CACNA2D3: variants seen among roughly 807,000 people sequenced by gnomAD.
CACNA2D3 encodes voltage-dependent calcium channel subunit alpha-2/delta-3.
CACNA2D3 carries 60 observed loss-of-function variants against 160.6 expected under a neutral mutation model. That is an observed-to-expected ratio of 0.37 (90% CI 0.30 to 0.46). CACNA2D3 has a LOEUF of 0.46. Ranked by LOEUF, CACNA2D3 falls within the 20% of genes least tolerant of loss-of-function variation. CACNA2D3 has a pLI of 1.00. For missense variants in CACNA2D3, 1,205 were observed against 1,365.0 expected (o/e 0.88, Z 1.85); for synonymous variants, 558 against 492.9 (o/e 1.13, Z -1.75).
intron 25 of CACNA2D3, 79 bp from the exon 26 acceptor site, chr3:54,896,670 T>C (rs1700196319): frequency 6.4e-6 from 10 of 1,574,190 alleles, no homozygotes; most frequent in Non-Finnish European, 8.7e-6. Context: ...TTTTACCTGA[T>C]GAAGGCTGTC....
intron 13 of CACNA2D3, among the ~76,000 whole-genome samples, chr3:54,776,264 AG>A (rs1294029454): frequency 6.6e-6 from 1 of 152,228 alleles, no homozygotes; most frequent in Non-Finnish European, 1.5e-5. Flanking sequence ...CTGTAATTCC[AG>A]CACTTAGCGA....
At chr3:54,172,289 G>A (rs928453560) in intron 2 of CACNA2D3, among the ~76,000 whole-genome samples, 3 of 152,168 alleles carry the variant, frequency 2.0e-5, no homozygotes, top group East Asian at 1.9e-4. Context: ...ACTTGTTTTC[G>A]GTCGAGCCTT....
intron 2 of CACNA2D3, among the ~76,000 whole-genome samples, chr3:54,270,982 C>T (rs1702611697): frequency 6.6e-6 from 1 of 152,198 alleles, no homozygotes; most frequent in South Asian, 2.1e-4. Flanking sequence ...TATATAAAAT[C>T]AGGAACAGTA....
chr3:54,988,465 C>T (rs1329947133), intron 31 of CACNA2D3, among the ~76,000 whole-genome samples: 2 of 152,180 alleles, frequency 1.3e-5, no homozygotes, highest in Admixed American at 6.5e-5. Flanking sequence ...AGAATGCCTC[C>T]CTGGGGGTCC....
At chr3:54,954,960 T>C (rs760174793) in intron 27 of CACNA2D3, among the ~76,000 whole-genome samples, 6 of 152,206 alleles carry the variant, frequency 3.9e-5, no homozygotes, top group Non-Finnish European at 7.3e-5. Context: ...CTAGCTTTTA[T>C]TGAATGCTTA....
intron 11 of CACNA2D3, among the ~76,000 whole-genome samples, chr3:54,651,105 C>T (rs565888177): frequency 1.3e-5 from 2 of 152,298 alleles, no homozygotes; most frequent in African/African-American, 4.8e-5. Context: ...ATCTTGAGAA[C>T]AAAACAAGGT....
Position 54,162,201 on chromosome 3 carries a change from C to G in CACNA2D3, c.204+38607C>G, listed in dbSNP as rs117953087. Among the ~76,000 whole-genome samples the G allele has an allele frequency of 2.6e-4, 39 of 152,220 alleles. No homozygotes were observed. In the East Asian group the frequency reaches 7.3e-3, roughly 29 times the overall value. ...TGTTTCAGCTACTCTTGCTGAGTAACGACACACCGCAAAACTTCATTGCGA... is the reference window on the plus strand; with the variant it reads ...TGTTTCAGCTACTCTTGCTGAGTAAGGACACACCGCAAAACTTCATTGCGA... On this transcript the variant is annotated intron_variant, in intron 2 of 37. Coordinates refer to ENST00000474759, the MANE Select transcript of CACNA2D3 (RefSeq NM_018398.3).
At chr3:54,244,696 A>T (rs2107412875) in intron 2 of CACNA2D3, among the ~76,000 whole-genome samples, 1 of 152,370 alleles carries the variant, frequency 6.6e-6, no homozygotes, top group Admixed American at 6.5e-5. Flanking sequence ...ATGAGATCAC[A>T]TGTAGAGGTG....
At chr3:54,495,925 C>G (rs1210149480) in intron 4 of CACNA2D3, among the ~76,000 whole-genome samples, 1 of 152,180 alleles carries the variant, frequency 6.6e-6, no homozygotes, top group African/African-American at 2.4e-5. Flanking sequence ...CATATGTACT[C>G]TTTTGTCTCT....
At chr3:54,764,173 C>T (rs1284976524) in intron 12 of CACNA2D3, 45 bp from the exon 13 acceptor site, 7 of 1,609,028 alleles carry the variant, frequency 4.4e-6, no homozygotes, top group Non-Finnish European at 6.0e-6. Flanking sequence ...AGTTGCAAGT[C>T]TTTCTGTCTG....
intron 2 of CACNA2D3, among the ~76,000 whole-genome samples, chr3:54,234,133 C>T (rs1005960939): frequency 1.3e-5 from 2 of 152,028 alleles, no homozygotes; most frequent in African/African-American, 4.8e-5. Context: ...GTCTAATATC[C>T]AGCATCTATA....
intron 2 of CACNA2D3, among the ~76,000 whole-genome samples, chr3:54,248,486 A>G (rs1338758536): frequency 1.3e-5 from 2 of 151,524 alleles, no homozygotes; most frequent in African/African-American, 4.8e-5. Context: ...CATCTCAAAA[A>G]AAAAAAAAAA....
intron 13 of CACNA2D3, among the ~76,000 whole-genome samples, chr3:54,795,245 T>G (rs766399730): frequency 2.6e-5 from 4 of 152,134 alleles, no homozygotes; most frequent in Non-Finnish European, 4.4e-5. Context: ...TTGGTTTTGG[T>G]TTTTATTGGT....
chr3:54,647,520 C>T (rs545404537), intron 11 of CACNA2D3, among the ~76,000 whole-genome samples: 8 of 152,154 alleles, frequency 5.3e-5, no homozygotes, highest in South Asian at 2.1e-4. Flanking sequence ...TTTCTCTCCA[C>T]GTGGTGTCTC....
chr3:54,408,558 G>T (rs1699614579), intron 4 of CACNA2D3, among the ~76,000 whole-genome samples: 1 of 152,136 alleles, frequency 6.6e-6, no homozygotes. Context: ...GTAACCAGAT[G>T]TTAACCAGTT....
intron 17 of CACNA2D3, among the ~76,000 whole-genome samples, chr3:54,852,764 A>C (rs1699085357): frequency 6.6e-6 from 1 of 152,192 alleles, no homozygotes; most frequent in African/African-American, 2.4e-5. Context: ...GTATGGAACT[A>C]AGTGGACATC....
At chr3:54,461,023 A>T (rs368909031) in intron 4 of CACNA2D3, among the ~76,000 whole-genome samples, 29 of 147,804 alleles carry the variant, frequency 2.0e-4, no homozygotes, top group African/African-American at 7.3e-4. Context: ...TTCTGCATCT[A>T]TTGAGATAAT....
intron 4 of CACNA2D3, among the ~76,000 whole-genome samples, chr3:54,465,886 A>T (rs903300004): frequency 3.3e-5 from 5 of 152,108 alleles, no homozygotes; most frequent in African/African-American, 1.2e-4. Context: ...CTGGGCTCTT[A>T]ATCTGGAGAT....
chr3:54,419,079 A>C (rs1397389139), intron 4 of CACNA2D3, among the ~76,000 whole-genome samples: 1 of 152,188 alleles, frequency 6.6e-6, no homozygotes, highest in Non-Finnish European at 1.5e-5. Flanking sequence ...GTAGGATGAG[A>C]GTTAAAATAC....
Sources: gnomAD v4.1 joint callset for allele counts (sites outside exome capture counted in the v4.1 genomes callset) on GRCh38, gnomAD v4.1.1 for gene constraint, MANE v1.5 for transcripts, NCBI Gene and HGNC (gene_info 2026-07-23, HGNC 2026-07-21) for gene names.